Variants in SPAG9 observed in about 807,000 individuals in gnomAD.
The protein encoded by SPAG9 is C-Jun-amino-terminal kinase-interacting protein 4.
Under a neutral mutation model 166.5 loss-of-function variants are expected in SPAG9, and 35 were observed. The observed-to-expected ratio is 0.21, with a 90% CI of 0.16 to 0.28. The LOEUF is 0.28. SPAG9 is among the 10% of genes least tolerant of loss of function. SPAG9 has a pLI of 1.00. For synonymous variants in SPAG9, 534 were observed against 565.5 expected (o/e 0.94, Z 0.79); for missense variants, 1,235 against 1,603.3 (o/e 0.77, Z 3.92).
chr17:51,022,811 A>C (rs2045992693), intron 6 of SPAG9, among the ~76,000 whole-genome samples: 1 of 151,418 alleles, frequency 6.6e-6, no homozygotes, highest in South Asian at 2.1e-4. Flanking sequence ...TTAGCCGGGC[A>C]TGGTGGCGCA....
At chr17:51,030,595 G>A (rs536224115) in intron 6 of SPAG9, among the ~76,000 whole-genome samples, 14 of 152,236 alleles carry the variant, frequency 9.2e-5, no homozygotes, top group African/African-American at 3.4e-4. Flanking sequence ...CATTCTTCTG[G>A]AGAGTTTCAA....
intron 1 of SPAG9, among the ~76,000 whole-genome samples, chr17:51,088,231 G>A (rs1254457414): frequency 6.6e-6 from 1 of 152,174 alleles, no homozygotes; most frequent in Non-Finnish European, 1.5e-5. Flanking sequence ...TAATAGTTAA[G>A]CCACACACCT....
At chr17:51,018,682 G>A (rs894639130) in intron 8 of SPAG9, among the ~76,000 whole-genome samples, 5 of 152,146 alleles carry the variant, frequency 3.3e-5, no homozygotes, top group Admixed American at 6.5e-5. Context: ...GTTAGTGTCC[G>A]GGACAATGCA....
intron 6 of SPAG9, among the ~76,000 whole-genome samples, chr17:51,027,734 CATA>C (rs1335155775): frequency 6.6e-6 from 1 of 152,152 alleles, no homozygotes; most frequent in Non-Finnish European, 1.5e-5. Context: ...CTATACAGTA[CATA>C]ATACTTGATA....
At chr17:51,099,040 C>A (rs1413139802) in intron 1 of SPAG9, among the ~76,000 whole-genome samples, 1 of 143,672 alleles carries the variant, frequency 7.0e-6, no homozygotes, top group Non-Finnish European at 1.5e-5. Context: ...GCAGAGGCTG[C>A]AGTGAGCTGA....
At chr17:51,021,017 C>A in intron 7 of SPAG9, 141 bp downstream of exon 7, 1 of 692,902 alleles carries the variant, frequency 1.4e-6, no homozygotes, top group South Asian at 1.9e-5. Context: ...GATGCAGAAC[C>A]ACAGATATAG....
Position 51,053,974 on chromosome 17 carries a change from A to G in SPAG9, c.495+2438T>C, listed in dbSNP as rs928016889. ...AAACAGTACATAGAGTACATTGTTT[A>G]GGCACTGAGATGAATGATGTGAAAA... On this transcript the variant is annotated intron_variant, in intron 3 of 29. Transcript: ENST00000262013. Among the ~76,000 whole-genome samples, 10 of 143,912 alleles carry G rather than the reference A, an allele frequency of 6.9e-5. No homozygotes were observed. In the Admixed American group the frequency reaches 7.1e-4, roughly 10 times the overall value. The allele number at this position is 143,912 out of a possible 152,430, so 94.4% of individuals were successfully genotyped here. A position where few individuals can be genotyped will look rare whatever the true frequency, so the allele number is the denominator to read the frequency against.
chr17:51,000,745 A>G (rs997682558), intron 13 of SPAG9, among the ~76,000 whole-genome samples: 1 of 80,204 alleles, frequency 1.2e-5, no homozygotes, highest in Admixed American at 1.2e-4. Flanking sequence ...CTCCATCTCA[A>G]TAAATGAATG....
Position 51,005,306 on chromosome 17 carries a change from G to A in SPAG9, c.1425-43C>T. 5.1e-6 allele frequency: 8 copies of A among 1,575,604 alleles called. No individual in the cohort carries two copies. In the South Asian group the frequency reaches 9.0e-5, roughly 18 times the overall value. The stretch of plus-strand genomic sequence containing the variant: ...AAACAAAACATGTTATTTGAATTGA[G>A]CTCATCTTTTCAAAAAAATAAGAGT... On this transcript the variant is annotated intron_variant, in intron 11 of 29. Transcript: ENST00000262013.
chr17:50,983,634 C>T (rs1214023111), intron 24 of SPAG9, among the ~76,000 whole-genome samples: 1 of 152,192 alleles, frequency 6.6e-6, no homozygotes, highest in Non-Finnish European at 1.5e-5. Flanking sequence ...TTACTAAATG[C>T]ATTTTACTTG....
At chr17:50,990,153 G>A (rs12948230) in intron 20 of SPAG9, 10 of 516,382 alleles carry the variant, frequency 1.9e-5, no homozygotes, top group East Asian at 3.6e-5. Context: ...TCAGCCTCCC[G>A]AGTAGCTGGG....
chr17:50,980,815 T>C (rs1212582750), intron 25 of SPAG9, among the ~76,000 whole-genome samples: 4 of 151,954 alleles, frequency 2.6e-5, no homozygotes, highest in East Asian at 1.9e-4. Flanking sequence ...CTGGACAACA[T>C]AGCAAGATCC....
At position 50,982,676 on chromosome 17, in the gene SPAG9, T is replaced by C; in HGVS notation, c.3089-4A>G. 6.3e-7 allele frequency: 1 copy of C among 1,591,950 alleles called. No individual in the cohort carries two copies. Among genetic ancestry groups the C allele is most frequent in the Non-Finnish European group, 8.5e-7 (1 of 1,172,592 alleles). ...TTTGACAAATCCCACTGCCCATCTT[T>C]AAAAAAAATAAAAGGTTATAGTAAA... On this transcript the variant is annotated splice_region_variant and splice_polypyrimidine_tract_variant and intron_variant, in intron 24 of 29. Transcript: ENST00000262013.
At chr17:51,017,835 A>T (rs2045767406) in intron 8 of SPAG9, among the ~76,000 whole-genome samples, 1 of 152,248 alleles carries the variant, frequency 6.6e-6, no homozygotes, top group African/African-American at 2.4e-5. Flanking sequence ...AAATGAGAAA[A>T]CATACCTAAG....
At chr17:51,026,950 A>G (rs1389599989) in intron 6 of SPAG9, among the ~76,000 whole-genome samples, 1 of 152,098 alleles carries the variant, frequency 6.6e-6, no homozygotes, top group African/African-American at 2.4e-5. Context: ...TGCTGGGTTT[A>G]GAGATGTGAG....
chr17:51,044,477 T>C (rs1458867366), intron 4 of SPAG9, among the ~76,000 whole-genome samples: 2 of 152,230 alleles, frequency 1.3e-5, no homozygotes, highest in African/African-American at 4.8e-5. Context: ...TGTTAGCTTA[T>C]GTATATAAAT....
chr17:50,966,584 A>G (rs1468944879), intron 29 of SPAG9, among the ~76,000 whole-genome samples, 197 bp from the exon 30 acceptor site: 2 of 152,202 alleles, frequency 1.3e-5, no homozygotes, highest in African/African-American at 2.4e-5. Flanking sequence ...GCTTGACTTC[A>G]GAAAAGGTTA....
At chr17:51,018,697 T>G (rs1024493566) in intron 8 of SPAG9, among the ~76,000 whole-genome samples, 1 of 152,058 alleles carries the variant, frequency 6.6e-6, no homozygotes, top group Non-Finnish European at 1.5e-5. Context: ...AATGCAATCT[T>G]GTGAGTAACA....
chr17:51,080,745 G>A (rs993910013), intron 1 of SPAG9, among the ~76,000 whole-genome samples: 3 of 152,002 alleles, frequency 2.0e-5, no homozygotes, highest in African/African-American at 7.2e-5. Flanking sequence ...GCTGGGCATG[G>A]TGGCACGTTC....
Sources: allele counts gnomAD v4.1 joint callset (sites outside exome capture counted in the v4.1 genomes callset), GRCh38; gene constraint gnomAD v4.1.1; transcripts MANE v1.5; gene names NCBI Gene and HGNC (gene_info 2026-07-23, HGNC 2026-07-21).